The following TEX11 variants were observed in gnomAD, a reference collection of about 807,000 sequenced individuals.
TEX11 encodes testis expressed 11, also known as testis-expressed protein 11.
In TEX11, 7 loss-of-function variants were observed where a neutral mutation model predicts 84.4. The observed-to-expected ratio is 0.08, with a 90% CI of 0.05 to 0.16. The LOEUF is 0.16. Among genes scored for constraint, TEX11 ranks in the 10% least tolerant of loss-of-function variants. TEX11 has a pLI of 1.00. For missense variants in TEX11, 551 were observed against 660.5 expected (o/e 0.83, Z 1.82); for synonymous variants, 264 against 222.8 (o/e 1.18, Z -1.64).
At chrX:70,644,377 A>T (rs1319171298) in intron 17 of TEX11, among the ~76,000 whole-genome samples, 1 of 103,504 alleles carries the variant, frequency 9.7e-6, no homozygotes, top group Non-Finnish European at 2.0e-5. Flanking sequence ...TTCCTCAGGG[A>T]TCTAGAACTA....
At chrX:70,580,582 T>C (rs1569338831) in intron 25 of TEX11, among the ~76,000 whole-genome samples, 1 of 112,473 alleles carries the variant, frequency 8.9e-6, no homozygotes, top group Non-Finnish European at 1.9e-5. Context: ...ATAATGTACC[T>C]ACAAAAATTA....
intron 4 of TEX11, among the ~76,000 whole-genome samples, chrX:70,869,212 T>C (rs2091618190): frequency 9.1e-6 from 1 of 110,102 alleles, no homozygotes; most frequent in Non-Finnish European, 1.9e-5. Context: ...AAGACTCTGA[T>C]CTCTCAATTA....
intron 28 of TEX11, among the ~76,000 whole-genome samples, chrX:70,551,000 TAA>T (rs1569321184): frequency 9.0e-6 from 1 of 111,432 alleles, no homozygotes; most frequent in Non-Finnish European, 1.9e-5. Context: ...GCAAGCAACC[TAA>T]GTGTCCATCA....
chrX:70,891,845 A>T (rs1487379582), intron 2 of TEX11, among the ~76,000 whole-genome samples: 1 of 111,801 alleles, frequency 8.9e-6, no homozygotes, highest in Non-Finnish European at 1.9e-5. Flanking sequence ...CCAACCTAGC[A>T]AGGCAGCCCA....
chrX:70,892,069 G>A (rs1372410676), intron 2 of TEX11, among the ~76,000 whole-genome samples: 1 of 110,940 alleles, frequency 9.0e-6, no homozygotes, highest in Non-Finnish European at 1.9e-5. Flanking sequence ...AGAGAGTGGG[G>A]GCCAATATTC....
chrX:70,840,176 G>T (rs2091433542), intron 7 of TEX11, among the ~76,000 whole-genome samples: 1 of 111,411 alleles, frequency 9.0e-6, no homozygotes, highest in African/African-American at 3.3e-5. Context: ...ACACATAATT[G>T]TCAGATTCAC....
chrX:70,779,562 G>T (rs776252614), intron 9 of TEX11, among the ~76,000 whole-genome samples: 27 of 110,358 alleles, frequency 2.4e-4, no homozygotes, highest in Non-Finnish European at 4.9e-4. Flanking sequence ...GATCAGAGCA[G>T]AAATGAATAA....
At chrX:70,750,965 T>TATATATATATATAA (rs2090818710) in intron 9 of TEX11, among the ~76,000 whole-genome samples, 2 of 74,335 alleles carry the variant, frequency 2.7e-5, no homozygotes, top group South Asian at 1.5e-3. Flanking sequence ...TATATATATA[T>TATATATATATATAA]AAAAGTCAGG....
At chrX:70,733,181 C>T (rs2090668086) in intron 11 of TEX11, among the ~76,000 whole-genome samples, 1 of 111,761 alleles carries the variant, frequency 8.9e-6, no homozygotes, top group Admixed American at 9.5e-5. Flanking sequence ...AAATGTTAGA[C>T]CTAAAACCAT....
chrX:70,863,085 C>T (rs1436936511), intron 4 of TEX11, among the ~76,000 whole-genome samples: 3 of 111,041 alleles, frequency 2.7e-5, no homozygotes, highest in South Asian at 7.6e-4. Flanking sequence ...CTCCCATCAC[C>T]CTGGGAGAGA....
intron 8 of TEX11, among the ~76,000 whole-genome samples, chrX:70,820,898 C>T (rs1010540868): frequency 1.8e-5 from 2 of 111,612 alleles, no homozygotes; most frequent in African/African-American, 6.5e-5. Flanking sequence ...AACCGTAAAA[C>T]TTTTAGAAGA....
chrX:70,835,984 T>C (rs780582493), intron 7 of TEX11, among the ~76,000 whole-genome samples: 162 of 109,186 alleles, frequency 1.5e-3, no homozygotes, highest in African/African-American at 5.3e-3. Context: ...GGCATGGTGG[T>C]GCGTGCCTGT....
At chrX:70,569,456 C>A (rs1603081700) in intron 25 of TEX11, among the ~76,000 whole-genome samples, 1 of 112,055 alleles carries the variant, frequency 8.9e-6, no homozygotes, top group African/African-American at 3.2e-5. Flanking sequence ...TAAGGAGCTG[C>A]GTTCCTTTGG....
chrX:70,708,939 A>C (rs1194869330), intron 13 of TEX11, among the ~76,000 whole-genome samples: 1 of 109,721 alleles, frequency 9.1e-6, no homozygotes, highest in African/African-American at 3.3e-5. Context: ...AAAAAAAAAA[A>C]AAACTCCTTT....
intron 17 of TEX11, among the ~76,000 whole-genome samples, chrX:70,636,575 C>T (rs2089577003): frequency 8.9e-6 from 1 of 112,465 alleles, no homozygotes. Context: ...GGCTCCAGGC[C>T]TATCCCAGGG....
intron 24 of TEX11, among the ~76,000 whole-genome samples, chrX:70,594,439 G>C (rs1485716865): frequency 9.0e-6 from 1 of 110,556 alleles, no homozygotes; most frequent in Non-Finnish European, 1.9e-5. Context: ...AATTATAAAA[G>C]ATAGTATTAA....
intron 17 of TEX11, among the ~76,000 whole-genome samples, chrX:70,644,178 C>T (rs1401678116): frequency 1.0e-5 from 1 of 100,111 alleles, no homozygotes; most frequent in East Asian, 3.2e-4. Context: ...AAAATGCTCA[C>T]CATCACTGGC....
At chrX:70,799,320 C>A (rs1367857141) in intron 9 of TEX11, among the ~76,000 whole-genome samples, 1 of 111,328 alleles carries the variant, frequency 9.0e-6, no homozygotes, top group African/African-American at 3.3e-5. Flanking sequence ...TCAGAAGGAG[C>A]CAAATCATGT....
intron 11 of TEX11, among the ~76,000 whole-genome samples, chrX:70,725,567 T>C (rs1188397670): frequency 8.9e-6 from 1 of 112,032 alleles, no homozygotes; most frequent in Non-Finnish European, 1.9e-5. Context: ...TGTAAATATT[T>C]CCAATGAGTG....
Sources: gnomAD v4.1 joint callset for allele counts (sites outside exome capture counted in the v4.1 genomes callset) on GRCh38, gnomAD v4.1.1 for gene constraint, MANE v1.5 for transcripts, NCBI Gene and HGNC (gene_info 2026-07-23, HGNC 2026-07-21) for gene names.